Variants in PTPRK observed in about 807,000 individuals in gnomAD.
The protein encoded by PTPRK is protein tyrosine phosphatase receptor type K.
In PTPRK, 75 loss-of-function variants were observed where a neutral mutation model predicts 178.0. The ratio of observed to expected loss-of-function variants is 0.42; its 90% confidence interval spans 0.35 to 0.51. The LOEUF (loss-of-function observed/expected upper bound fraction) is 0.51. Among genes scored for constraint, PTPRK ranks in the 20% least tolerant of loss-of-function variants. PTPRK has a pLI of 0.02. For synonymous variants in PTPRK, 637 were observed against 620.6 expected, an observed-to-expected ratio of 1.03 and a Z score of -0.39; for missense variants, 1,441 against 1,797.8, an observed-to-expected ratio of 0.80 and a Z score of 3.59.
At chr6:128,252,785 T>C (rs10485161) in intron 3 of PTPRK, among the ~76,000 whole-genome samples, 10,678 of 152,170 alleles carry the variant, frequency 0.07, 1,026 homozygotes, top group African/African-American at 0.22. Flanking sequence ...CATGAGGCCA[T>C]TGTAAAGATT....
intron 1 of PTPRK, among the ~76,000 whole-genome samples, chr6:128,470,751 T>C (rs9491961): frequency 6.4e-3 from 346 of 53,800 alleles, no homozygotes; most frequent in Non-Finnish European, 7.3e-3. Context: ...ATCTCTCTCT[T>C]TTTTTTTTTT....
At chr6:128,011,134 G>A (rs1339911986) in intron 13 of PTPRK, among the ~76,000 whole-genome samples, 1 of 151,230 alleles carries the variant, frequency 6.6e-6, no homozygotes, top group Non-Finnish European at 1.5e-5. Context: ...GTCATTGCTT[G>A]TAACTCAAAT....
At chr6:128,066,218 G>A (rs1458842482) in intron 12 of PTPRK, among the ~76,000 whole-genome samples, 3 of 152,130 alleles carry the variant, frequency 2.0e-5, no homozygotes, top group Non-Finnish European at 4.4e-5. Context: ...TAGTAGCCCA[G>A]TTGTAACAGT....
chr6:128,241,008 A>G (rs770592217), intron 4 of PTPRK, among the ~76,000 whole-genome samples: 2 of 152,228 alleles, frequency 1.3e-5, no homozygotes, highest in Non-Finnish European at 2.9e-5. Flanking sequence ...CTGTGCACTT[A>G]TGAAAGCCTT....
intron 8 of PTPRK, among the ~76,000 whole-genome samples, chr6:128,084,334 A>G (rs1785367934): frequency 6.6e-6 from 1 of 152,204 alleles, no homozygotes; most frequent in South Asian, 2.1e-4. Flanking sequence ...GTCCATTAAT[A>G]GCCAACCTTA....
chr6:128,145,678 GATTA>G (rs1195821805), intron 7 of PTPRK, among the ~76,000 whole-genome samples: 7 of 148,888 alleles, frequency 4.7e-5, no homozygotes, highest in African/African-American at 1.3e-4. Context: ...GATCAAAAAA[GATTA>G]CTTACTAAAA....
chr6:128,108,984 A>C (rs529581496), intron 7 of PTPRK, among the ~76,000 whole-genome samples: 1 of 152,310 alleles, frequency 6.6e-6, no homozygotes, highest in African/African-American at 2.4e-5. Flanking sequence ...TCCAAATGCC[A>C]TCTCAATGGA....
chr6:128,355,989 A>T (rs1833908969), intron 2 of PTPRK, among the ~76,000 whole-genome samples: 1 of 152,192 alleles, frequency 6.6e-6, no homozygotes, highest in Admixed American at 6.5e-5. Flanking sequence ...TTAAAAGGCA[A>T]ATAGCTTTGG....
rs1287001811 is a variant in PTPRK at position 128,017,802 on chromosome 6, G to GTGTATATA, written c.2195-8535_2195-8534insTATATACA. ...TACATATATAAATAAATATATATGT[G>GTGTATATA]TATATATATATATATATATATATAT... On this transcript the variant is annotated intron_variant, in intron 13 of 29. Coordinates refer to ENST00000368226, the MANE Select transcript of PTPRK (RefSeq NM_002844.4). Among the ~76,000 whole-genome samples, 463 of 101,222 alleles carry GTGTATATA rather than the reference G, an allele frequency of 4.6e-3. 1 individual carries two copies. The highest frequency in any genetic ancestry group is 8.9e-3 in the African/African-American group (270 of 30,248). The allele number at this position is 101,222 out of a possible 152,430, so 66.4% of individuals were successfully genotyped here.
chr6:128,504,028 T>C (rs940179231), intron 1 of PTPRK, among the ~76,000 whole-genome samples: 2 of 152,190 alleles, frequency 1.3e-5, no homozygotes, highest in African/African-American at 4.8e-5. Context: ...TGATATCACC[T>C]GTTTTAACAA....
intron 7 of PTPRK, among the ~76,000 whole-genome samples, chr6:128,160,754 T>C (rs1328356348): frequency 1.3e-5 from 2 of 151,378 alleles, no homozygotes; most frequent in Non-Finnish European, 3.0e-5. Context: ...TAGAAATAAG[T>C]ATTAATAATA....
intron 13 of PTPRK, among the ~76,000 whole-genome samples, chr6:128,033,388 A>G (rs933271673): frequency 1.3e-5 from 2 of 152,334 alleles, no homozygotes; most frequent in South Asian, 2.1e-4. Flanking sequence ...GTTTAGGACT[A>G]TATTCAAACT....
intron 7 of PTPRK, among the ~76,000 whole-genome samples, chr6:128,126,482 G>GTGTTTT (rs1305452793): frequency 2.0e-5 from 3 of 152,048 alleles, no homozygotes; most frequent in African/African-American, 7.2e-5. Context: ...GCAGAAATAA[G>GTGTTTT]TGTTTTTGTT....
Sources: gnomAD v4.1 joint callset for allele counts (sites outside exome capture counted in the v4.1 genomes callset) on GRCh38, gnomAD v4.1.1 for gene constraint, MANE v1.5 for transcripts, NCBI Gene and HGNC (gene_info 2026-07-23, HGNC 2026-07-21) for gene names.